SH3BGRL2: variants seen among roughly 807,000 people sequenced by gnomAD.
SH3BGRL2 encodes SH3 domain binding glutamate rich protein like 2, also known as SH3 domain-binding glutamic acid-rich-like protein 2.
A neutral mutation model predicts 14.8 loss-of-function variants in SH3BGRL2; 21 were observed. The observed-to-expected ratio is 1.42, with a 90% CI of 1.01 to 2.05. The LOEUF is 2.05. Among genes scored for constraint, SH3BGRL2 ranks in the 30% most tolerant of loss-of-function variants. The probability of loss-of-function intolerance (pLI) is 0.00; values close to 1 mark genes in which losing one functional copy is unlikely to be tolerated. For synonymous variants in SH3BGRL2, 50 were observed against 47.8 expected, an observed-to-expected ratio of 1.05 and a Z score of -0.19; for missense variants, 147 against 130.8, an observed-to-expected ratio of 1.12 and a Z score of -0.61.
the SH3BGRL2 span, among the ~76,000 whole-genome samples, chr6:79,599,206 G>A: frequency 6.6e-6 from 1 of 152,098 alleles, no homozygotes; most frequent in Admixed American, 6.6e-5. Context: ...CTAAGTGTTA[G>A]CATGATCACA....
intron 1 of SH3BGRL2, among the ~76,000 whole-genome samples, chr6:79,671,610 G>A (rs1330654779): frequency 6.6e-6 from 1 of 152,192 alleles, no homozygotes; most frequent in Non-Finnish European, 1.5e-5. Flanking sequence ...AAAATTCATT[G>A]TGTGAAGGAA....
At chr6:79,663,209 C>T (rs779630942) in intron 1 of SH3BGRL2, among the ~76,000 whole-genome samples, 1 of 152,144 alleles carries the variant, frequency 6.6e-6, no homozygotes, top group Non-Finnish European at 1.5e-5. Context: ...GGACTGCCAT[C>T]CTTTGGAGAA....
chr6:79,648,674 G>A (rs976926961), intron 1 of SH3BGRL2, among the ~76,000 whole-genome samples: 1 of 151,746 alleles, frequency 6.6e-6, no homozygotes, highest in East Asian at 1.9e-4. Flanking sequence ...ATTCCCCCAC[G>A]TTTCCTTTTA....
chr6:79,632,719 G>A (rs569920384), intron 1 of SH3BGRL2, among the ~76,000 whole-genome samples: 83 of 152,288 alleles, frequency 5.5e-4, no homozygotes, highest in Admixed American at 9.2e-4. Flanking sequence ...CAGTCATGTT[G>A]GGGTCCTCAG....
chr6:79,570,751 G>A, the SH3BGRL2 span, among the ~76,000 whole-genome samples: 1 of 152,172 alleles, frequency 6.6e-6, no homozygotes, highest in Non-Finnish European at 1.5e-5. Flanking sequence ...AGAACCCATG[G>A]TGGTTCACTG....
chr6:79,582,354 C>G, the SH3BGRL2 span, among the ~76,000 whole-genome samples: 1 of 152,134 alleles, frequency 6.6e-6, no homozygotes. Flanking sequence ...AAGAACAAAA[C>G]TGGAGACATC....
At chr6:79,575,070 C>G in the SH3BGRL2 span, 1 of 152,196 alleles carries the variant, frequency 6.6e-6, no homozygotes, top group Admixed American at 6.5e-5. Flanking sequence ...CTTGATTGAT[C>G]TAAGCAGTCA....
At chr6:79,637,220 G>T (rs1206775285) in intron 1 of SH3BGRL2, among the ~76,000 whole-genome samples, 1 of 152,038 alleles carries the variant, frequency 6.6e-6, no homozygotes, top group Non-Finnish European at 1.5e-5. Context: ...GTATTTCCCA[G>T]ATTTGATGTG....
At chr6:79,661,077 AC>A (rs1769536710) in intron 1 of SH3BGRL2, among the ~76,000 whole-genome samples, 1 of 152,156 alleles carries the variant, frequency 6.6e-6, no homozygotes, top group Non-Finnish European at 1.5e-5. Flanking sequence ...ATTTCAAAAA[AC>A]CAGCTCCTGG....
the SH3BGRL2 span, among the ~76,000 whole-genome samples, chr6:79,563,473 G>A: frequency 1.3e-5 from 2 of 152,072 alleles, no homozygotes; most frequent in Admixed American, 6.5e-5. Context: ...ACTGACTCTT[G>A]GCTTAGTAAA....
chr6:79,669,715 GA>G (rs1438805079), intron 1 of SH3BGRL2, among the ~76,000 whole-genome samples: 1 of 152,046 alleles, frequency 6.6e-6, no homozygotes, highest in Non-Finnish European at 1.5e-5. Context: ...AAAGTGCTGG[GA>G]TTACAGGAGT....
chr6:79,692,615 TC>T (rs1770245399), intron 2 of SH3BGRL2, among the ~76,000 whole-genome samples: 1 of 152,238 alleles, frequency 6.6e-6, no homozygotes, highest in African/African-American at 2.4e-5. Context: ...AAATAGAGAC[TC>T]CTTTCCCCAT....
At chr6:79,586,960 C>T in the SH3BGRL2 span, among the ~76,000 whole-genome samples, 3 of 152,106 alleles carry the variant, frequency 2.0e-5, no homozygotes, top group East Asian at 1.9e-4. Context: ...TGCCAGGGAG[C>T]GGATTAAAAA....
At chr6:79,555,122 T>A in the SH3BGRL2 span, among the ~76,000 whole-genome samples, 1 of 152,138 alleles carries the variant, frequency 6.6e-6, no homozygotes, top group Non-Finnish European at 1.5e-5. Context: ...ATAGGCTAAT[T>A]GGCATTTTAA....
At chr6:79,692,629 C>G (rs971109760) in intron 2 of SH3BGRL2, among the ~76,000 whole-genome samples, 4 of 152,194 alleles carry the variant, frequency 2.6e-5, no homozygotes, top group African/African-American at 9.7e-5. Flanking sequence ...TTCCCCATTT[C>G]TTGTTTTTGT....
chr6:79,643,480 T>C (rs1582715234), intron 1 of SH3BGRL2, among the ~76,000 whole-genome samples: 1 of 152,330 alleles, frequency 6.6e-6, no homozygotes, highest in East Asian at 1.9e-4. Flanking sequence ...ATGATGTCCT[T>C]AGATCATGTG....
intron 1 of SH3BGRL2, among the ~76,000 whole-genome samples, chr6:79,671,525 G>A (rs967437139): frequency 6.6e-6 from 1 of 152,170 alleles, no homozygotes; most frequent in Non-Finnish European, 1.5e-5. Flanking sequence ...TCTTCCATTT[G>A]CTTAGGAAAT....
At chr6:79,577,681 C>T in the SH3BGRL2 span, among the ~76,000 whole-genome samples, 22 of 152,238 alleles carry the variant, frequency 1.4e-4, no homozygotes, top group African/African-American at 5.1e-4. Context: ...GGAAGAGCTC[C>T]GGTCTGCAGC....
chr6:79,559,969 G>C, the SH3BGRL2 span, among the ~76,000 whole-genome samples: 3 of 152,070 alleles, frequency 2.0e-5, no homozygotes, highest in Admixed American at 1.3e-4. Context: ...TAAATAAAAG[G>C]TAAGAATAGG....
Sources: gnomAD v4.1 joint callset for allele counts (sites outside exome capture counted in the v4.1 genomes callset) on GRCh38, gnomAD v4.1.1 for gene constraint, MANE v1.5 for transcripts, NCBI Gene and HGNC (gene_info 2026-07-23, HGNC 2026-07-21) for gene names.